Variants in MEIKIN observed in about 807,000 individuals in gnomAD.
MEIKIN encodes the protein meiosis-specific kinetochore protein.
chr5:131,810,288 AAC>A (rs1772928284), intron 12 of MEIKIN, among the ~76,000 whole-genome samples: 3 of 152,358 alleles, frequency 2.0e-5, no homozygotes, highest in African/African-American at 7.2e-5. Flanking sequence ...ATGAATTCAT[AAC>A]ACATAATTTA....
At chr5:131,824,187 T>C (rs1436119989) in intron 11 of MEIKIN, among the ~76,000 whole-genome samples, 2 of 151,916 alleles carry the variant, frequency 1.3e-5, no homozygotes, top group African/African-American at 4.8e-5. Context: ...GGCCCCAGGC[T>C]CTCAAGGATG....
At chr5:131,811,359 T>A (rs987355679) in intron 12 of MEIKIN, among the ~76,000 whole-genome samples, 8 of 151,506 alleles carry the variant, frequency 5.3e-5, no homozygotes, top group East Asian at 1.9e-4. Flanking sequence ...TTTTTTTTTT[T>A]AATTTTTTAT....
intron 11 of MEIKIN, among the ~76,000 whole-genome samples, chr5:131,825,863 T>C (rs1327577360): frequency 1.3e-5 from 2 of 152,276 alleles, no homozygotes; most frequent in East Asian, 3.9e-4. Context: ...ATGACAATTA[T>C]ACTATTAGGA....
intron 8 of MEIKIN, among the ~76,000 whole-genome samples, chr5:131,907,629 T>A (rs531637838): frequency 6.6e-6 from 1 of 151,156 alleles, no homozygotes; most frequent in South Asian, 2.1e-4. Flanking sequence ...ATCCCAGCAC[T>A]TTGGGAGGCC....
At chr5:131,878,930 T>C in intron 9 of MEIKIN, 48 bp downstream of exon 9, 1 of 397,888 alleles carries the variant, frequency 2.5e-6, no homozygotes. Flanking sequence ...TATTCTTTAT[T>C]AATGAAATGT....
At chr5:131,886,313 G>T (rs986039197) in intron 8 of MEIKIN, among the ~76,000 whole-genome samples, 42 of 152,114 alleles carry the variant, frequency 2.8e-4, no homozygotes, top group African/African-American at 1.0e-3. Context: ...AGTACAAGAA[G>T]GTTATAGAAC....
At chr5:131,919,870 A>G (rs984993226) in intron 6 of MEIKIN, among the ~76,000 whole-genome samples, 1 of 152,190 alleles carries the variant, frequency 6.6e-6, no homozygotes, top group African/African-American at 2.4e-5. Flanking sequence ...TGACTCTTAA[A>G]ACCATAGTAA....
At chr5:131,821,423 G>A (rs965083513) in intron 11 of MEIKIN, among the ~76,000 whole-genome samples, 1 of 152,044 alleles carries the variant, frequency 6.6e-6, no homozygotes, top group Non-Finnish European at 1.5e-5. Flanking sequence ...CACATGGCCT[G>A]TCCTTTGAGA....
At chr5:131,811,715 T>C (rs1176219164) in intron 12 of MEIKIN, among the ~76,000 whole-genome samples, 4 of 152,128 alleles carry the variant, frequency 2.6e-5, no homozygotes, top group African/African-American at 9.7e-5. Flanking sequence ...CATGCCATCC[T>C]CCTGCCTCAG....
chr5:131,815,332 A>G (rs1246930061), intron 12 of MEIKIN, among the ~76,000 whole-genome samples: 17 of 152,186 alleles, frequency 1.1e-4, no homozygotes, highest in Admixed American at 1.1e-3. Context: ...AGTTCTCCAG[A>G]GGGCTATATA....
chr5:131,834,712 G>A (rs1749772393), intron 11 of MEIKIN, among the ~76,000 whole-genome samples: 1 of 152,222 alleles, frequency 6.6e-6, no homozygotes, highest in Non-Finnish European at 1.5e-5. Context: ...ATCTGTCAAT[G>A]GACACTTGTG....
intron 8 of MEIKIN, among the ~76,000 whole-genome samples, chr5:131,889,913 T>C (rs1750876917): frequency 6.6e-6 from 1 of 152,230 alleles, no homozygotes; most frequent in African/African-American, 2.4e-5. Flanking sequence ...TGAGAGTTTT[T>C]AGCAAGAAGG....
At position 131,916,934 on chromosome 5, in the gene MEIKIN, G is replaced by T; in HGVS notation, c.599-9C>A. The T allele has an allele frequency of 2.5e-6, 1 of 397,096 alleles. No homozygotes were observed. 24.6% of individuals were successfully genotyped at this position (397,096 alleles called of 1,614,324 possible). A position where few individuals can be genotyped will look rare whatever the true frequency, so the allele number is the denominator to read the frequency against. On this transcript the variant is annotated splice_polypyrimidine_tract_variant and intron_variant, in intron 6 of 12. Coordinates refer to ENST00000442687, the MANE Select transcript of MEIKIN (RefSeq NM_001303622.2). ...GTCTTCTGAAGAGGTACCTAGGAGA[G>T]AAAATAAAAACAATCTATTAGAAAT...
chr5:131,930,924 T>G (rs1751678721), intron 5 of MEIKIN, among the ~76,000 whole-genome samples: 1 of 152,250 alleles, frequency 6.6e-6, no homozygotes, highest in African/African-American at 2.4e-5. Context: ...TAATGATTAT[T>G]TTGAATTAGT....
intron 8 of MEIKIN, among the ~76,000 whole-genome samples, chr5:131,887,223 G>A (rs892386132): frequency 6.6e-6 from 1 of 151,992 alleles, no homozygotes; most frequent in African/African-American, 2.4e-5. Flanking sequence ...TCTTAATCCA[G>A]TCTATCATTG....
At chr5:131,842,243 G>A (rs1427580226) in intron 11 of MEIKIN, among the ~76,000 whole-genome samples, 1 of 152,190 alleles carries the variant, frequency 6.6e-6, no homozygotes, top group African/African-American at 2.4e-5. Flanking sequence ...GGGATTACAG[G>A]TGTGAGCCAC....
At position 131,876,180 on chromosome 5, in the gene MEIKIN, A is replaced by G. The variant is rs552054789; in HGVS notation, c.774+2798T>C. On this transcript the variant is annotated intron_variant, in intron 9 of 12. Coordinates refer to ENST00000442687, the MANE Select transcript of MEIKIN (RefSeq NM_001303622.2). ...TAAACTAAAGAGATTCGGCACAGCA[A>G]AAGAAACTACCATCAGAGTGACCAG... Among the ~76,000 whole-genome samples the G allele has an allele frequency of 2.6e-5, 4 of 152,340 alleles. No homozygotes were observed. In the East Asian group the frequency reaches 7.7e-4, roughly 29 times the overall value.
chr5:131,867,480 C>T (rs1750402707), intron 9 of MEIKIN, among the ~76,000 whole-genome samples: 1 of 152,184 alleles, frequency 6.6e-6, no homozygotes, highest in Non-Finnish European at 1.5e-5. Context: ...ATTCTAATAT[C>T]ATACAAAGTA....
Position 131,850,059 on chromosome 5 carries a change from A to AC in MEIKIN, c.975+1204_975+1205insG, listed in dbSNP as rs1286322323. Reference sequence around the variant, plus strand: ...TGAAAAGAAATTACCAAAAAAAACAAAAAAAAAGAAAATAAATTACAATTC... The same window carrying AC: ...TGAAAAGAAATTACCAAAAAAAACAACAAAAAAAGAAAATAAATTACAATTC... On this transcript the variant is annotated intron_variant, in intron 11 of 12. Coordinates refer to ENST00000442687, the MANE Select transcript of MEIKIN (RefSeq NM_001303622.2). Among the ~76,000 whole-genome samples, 10 of 151,772 alleles carry AC rather than the reference A, an allele frequency of 6.6e-5. No homozygotes were observed. The East Asian group carries it at 1.9e-3, about 29-fold the overall frequency.
Sources: gnomAD v4.1 joint callset for allele counts (sites outside exome capture counted in the v4.1 genomes callset) on GRCh38, gnomAD v4.1.1 for gene constraint, MANE v1.5 for transcripts, NCBI Gene and HGNC (gene_info 2026-07-23, HGNC 2026-07-21) for gene names.